ZDHHC14: variants seen among roughly 807,000 people sequenced by gnomAD.
ZDHHC14 encodes zDHHC palmitoyltransferase 14, also known as palmitoyltransferase ZDHHC14.
A neutral mutation model predicts 47.7 loss-of-function variants in ZDHHC14; 16 were observed. That is an observed-to-expected ratio of 0.34 (90% confidence interval 0.23 to 0.51). The LOEUF (loss-of-function observed/expected upper bound fraction) is 0.51. Ranked by LOEUF, ZDHHC14 falls within the 20% of genes least tolerant of loss-of-function variation. ZDHHC14 has a pLI of 0.97. For missense variants in ZDHHC14, 515 were observed against 662.5 expected (o/e 0.78, Z 2.44); for synonymous variants, 293 against 278.9 (o/e 1.05, Z -0.50).
At chr6:157,498,240 C>T (rs1291073359) in intron 1 of ZDHHC14, among the ~76,000 whole-genome samples, 1 of 146,754 alleles carries the variant, frequency 6.8e-6, no homozygotes, top group Non-Finnish European at 1.5e-5. Context: ...AGTTCGAGAC[C>T]AGCCTGGACA....
intron 1 of ZDHHC14, among the ~76,000 whole-genome samples, chr6:157,499,553 T>C (rs1295331773): frequency 1.3e-5 from 2 of 150,686 alleles, no homozygotes; most frequent in Non-Finnish European, 3.0e-5. Flanking sequence ...ACCCATTCGC[T>C]CCATAGCAAA....
chr6:157,487,090 C>T (rs1274357330), intron 1 of ZDHHC14, among the ~76,000 whole-genome samples: 1 of 152,244 alleles, frequency 6.6e-6, no homozygotes, highest in African/African-American at 2.4e-5. Flanking sequence ...GTCTTTGTGA[C>T]ACCAAACCTT....
chr6:157,629,554 G>A (rs1785581123), intron 4 of ZDHHC14: 1 of 152,132 alleles, frequency 6.6e-6, no homozygotes, highest in Non-Finnish European at 1.5e-5. Context: ...GGGAGAGAAT[G>A]TTTTGCATTC....
intron 1 of ZDHHC14, among the ~76,000 whole-genome samples, chr6:157,473,261 A>G (rs1448127336): frequency 6.6e-6 from 1 of 152,204 alleles, no homozygotes; most frequent in Non-Finnish European, 1.5e-5. Flanking sequence ...GAGCTGTTGA[A>G]TCTGTTCCTC....
At chr6:157,442,250 G>T (rs1175453678) in intron 1 of ZDHHC14, among the ~76,000 whole-genome samples, 1 of 152,098 alleles carries the variant, frequency 6.6e-6, no homozygotes, top group African/African-American at 2.4e-5. Context: ...GGATATGGTG[G>T]TGCACACCTG....
intron 1 of ZDHHC14, among the ~76,000 whole-genome samples, chr6:157,492,207 C>CCCCCA: frequency 9.8e-6 from 1 of 102,020 alleles, no homozygotes; most frequent in South Asian, 2.7e-4. Context: ...TCCGCCCCCG[C>CCCCCA]CCCCCAGCCA....
chr6:157,473,050 A>G (rs1779390599), intron 1 of ZDHHC14, among the ~76,000 whole-genome samples: 1 of 152,260 alleles, frequency 6.6e-6, no homozygotes, highest in South Asian at 2.1e-4. Context: ...TTAATGAACA[A>G]AACTGTGTAT....
intron 1 of ZDHHC14, among the ~76,000 whole-genome samples, chr6:157,422,755 C>T (rs1778137300): frequency 6.6e-6 from 1 of 152,142 alleles, no homozygotes; most frequent in African/African-American, 2.4e-5. Flanking sequence ...AATAGCATGC[C>T]CAAGGCATTT....
intron 5 of ZDHHC14, among the ~76,000 whole-genome samples, chr6:157,643,732 G>A (rs1401082923): frequency 1.4e-5 from 2 of 144,524 alleles, no homozygotes; most frequent in Admixed American, 1.4e-4. Context: ...CGCTGGCTAT[G>A]ATGCCTCCCG....
At chr6:157,407,844 C>G (rs1487690316) in intron 1 of ZDHHC14, among the ~76,000 whole-genome samples, 1 of 152,164 alleles carries the variant, frequency 6.6e-6, no homozygotes. Flanking sequence ...ACTAAATAAA[C>G]CTTGCTTGGA....
intron 3 of ZDHHC14, among the ~76,000 whole-genome samples, chr6:157,613,204 A>G (rs550675627): frequency 4.6e-5 from 7 of 152,304 alleles, no homozygotes; most frequent in Admixed American, 2.0e-4. Context: ...TTCGAATAAA[A>G]CAGTAGCTTT....
At chr6:157,649,300 G>A (rs1183148780) in intron 7 of ZDHHC14, among the ~76,000 whole-genome samples, 1 of 152,228 alleles carries the variant, frequency 6.6e-6, no homozygotes, top group African/African-American at 2.4e-5. Context: ...CTTTTATTGG[G>A]TGAAGGCAGA....
At chr6:157,415,957 G>A (rs970013212) in intron 1 of ZDHHC14, among the ~76,000 whole-genome samples, 1 of 152,046 alleles carries the variant, frequency 6.6e-6, no homozygotes, top group Admixed American at 6.6e-5. Flanking sequence ...ACCAAAGACA[G>A]CATATTCACT....
intron 1 of ZDHHC14, among the ~76,000 whole-genome samples, chr6:157,386,837 A>C (rs1243032849): frequency 6.6e-6 from 1 of 152,194 alleles, no homozygotes; most frequent in Non-Finnish European, 1.5e-5. Context: ...CTTCTCCCTG[A>C]CATATGCACA....
In ZDHHC14 at chr6:157,469,681, G is replaced by A. The variant is rs1215315215; in HGVS notation, c.246-72904G>A. On this transcript the variant is annotated intron_variant, in intron 1 of 8. Coordinates refer to ENST00000359775, the MANE Select transcript of ZDHHC14 (RefSeq NM_024630.3). ...TTGAGGTCATCGTGGCAGAGGGAGAGAGTCCTGGAGGATACTGCACCTGCA... is the reference window on the plus strand; with the variant it reads ...TTGAGGTCATCGTGGCAGAGGGAGAAAGTCCTGGAGGATACTGCACCTGCA... Among the ~76,000 whole-genome samples, 4 of 152,206 alleles carry A rather than the reference G, an allele frequency of 2.6e-5. No homozygotes were observed. In the South Asian group the frequency reaches 8.3e-4, roughly 32 times the overall value.
chr6:157,524,131 A>AT (rs879683007), intron 1 of ZDHHC14, among the ~76,000 whole-genome samples: 2,431 of 142,794 alleles, frequency 0.017, 26 homozygotes, highest in Middle Eastern at 0.032. Context: ...TTGATTGGCA[A>AT]TTTTTTTTTT....
At chr6:157,651,843 A>C (rs2114990166) in intron 7 of ZDHHC14, among the ~76,000 whole-genome samples, 1 of 152,200 alleles carries the variant, frequency 6.6e-6, no homozygotes, top group East Asian at 1.9e-4. Context: ...AAGTGCTAGG[A>C]TTACAGGCGT....
chr6:157,468,542 G>A (rs1398979005), intron 1 of ZDHHC14, among the ~76,000 whole-genome samples: 1 of 152,210 alleles, frequency 6.6e-6, no homozygotes, highest in African/African-American at 2.4e-5. Flanking sequence ...GCAAACAGCT[G>A]TCTCTTGATA....
At chr6:157,416,972 G>GTT (rs71027335) in intron 1 of ZDHHC14, among the ~76,000 whole-genome samples, 15,170 of 45,052 alleles carry the variant, frequency 0.34, 4,055 homozygotes, top group Non-Finnish European at 0.38. Context: ...TGCCTGGCTA[G>GTT]TTTTTTTTTT....
Sources: allele counts gnomAD v4.1 joint callset (sites outside exome capture counted in the v4.1 genomes callset), GRCh38; gene constraint gnomAD v4.1.1; transcripts MANE v1.5; gene names NCBI Gene and HGNC (gene_info 2026-07-23, HGNC 2026-07-21).